The following GRIK2 variants were observed in gnomAD, a reference collection of about 807,000 sequenced individuals.
The protein encoded by GRIK2 is glutamate ionotropic receptor kainate type subunit 2, also known as glutamate receptor ionotropic, kainate 2.
Under a neutral mutation model 100.3 loss-of-function variants are expected in GRIK2, and 32 were observed. The ratio of observed to expected loss-of-function variants is 0.32; its 90% confidence interval spans 0.24 to 0.43. The LOEUF (loss-of-function observed/expected upper bound fraction) is 0.43, where lower values mean the gene tolerates loss of function less well. Among genes scored for constraint, GRIK2 ranks in the 20% least tolerant of loss-of-function variants. GRIK2 has a pLI of 1.00. For missense variants in GRIK2, 843 were observed against 1,114.9 expected (o/e 0.76, Z 3.47); for synonymous variants, 417 against 389.4 (o/e 1.07, Z -0.83).
chr6:101,909,647 G>C lies in GRIK2; in HGVS notation c.1749-14954G>C, dbSNP rs1408405801. Reference sequence around the variant, plus strand: ...TGAATAAAAAATGAAGAAGAAAAAAGCATCCTTGGGAAATGCATAAAATAT... The same window carrying C: ...TGAATAAAAAATGAAGAAGAAAAAACCATCCTTGGGAAATGCATAAAATAT... On this transcript the variant is annotated intron_variant, in intron 12 of 16. Transcript: ENST00000369134. Among the ~76,000 whole-genome samples, 4 of 147,554 alleles carry C rather than the reference G, an allele frequency of 2.7e-5. No homozygotes were observed. In the East Asian group the frequency reaches 8.0e-4, roughly 30 times the overall value.
intron 2 of GRIK2, among the ~76,000 whole-genome samples, chr6:101,571,992 C>G (rs190241236): frequency 5.3e-5 from 8 of 152,132 alleles, no homozygotes; most frequent in African/African-American, 1.7e-4. Context: ...CATCTTCAAA[C>G]CAGTGTTCTT....
At chr6:101,484,907 A>T (rs1772736027) in intron 2 of GRIK2, among the ~76,000 whole-genome samples, 1 of 152,196 alleles carries the variant, frequency 6.6e-6, no homozygotes, top group Admixed American at 6.5e-5. Flanking sequence ...CACTGGAAAC[A>T]TTTATCACTT....
chr6:101,647,656 T>C (rs1341471028), intron 4 of GRIK2, among the ~76,000 whole-genome samples: 1 of 152,058 alleles, frequency 6.6e-6, no homozygotes. Flanking sequence ...GTCATAAAAA[T>C]GTACTTCATA....
chr6:101,955,115 T>C (rs532746124), intron 14 of GRIK2, among the ~76,000 whole-genome samples: 1 of 152,310 alleles, frequency 6.6e-6, no homozygotes, highest in South Asian at 2.1e-4. Flanking sequence ...ATTTTGTTGA[T>C]ACATTTTGCA....
chr6:101,760,691 T>C (rs1777570257), intron 7 of GRIK2, among the ~76,000 whole-genome samples: 1 of 89,774 alleles, frequency 1.1e-5, no homozygotes, highest in South Asian at 3.9e-4. Flanking sequence ...TAATTATATA[T>C]AATTATATAT....
At chr6:101,567,871 C>T (rs1034753802) in intron 2 of GRIK2, among the ~76,000 whole-genome samples, 2 of 151,774 alleles carry the variant, frequency 1.3e-5, no homozygotes, top group East Asian at 3.9e-4. Flanking sequence ...AATTATTTAC[C>T]ATCATAAGAT....
At chr6:101,908,231 G>A (rs1010185529) in intron 12 of GRIK2, among the ~76,000 whole-genome samples, 2 of 64,718 alleles carry the variant, frequency 3.1e-5, no homozygotes, top group African/African-American at 1.2e-4. Flanking sequence ...AAATTGTTGA[G>A]TCATTTTATT....
chr6:101,813,962 CAAAA>C (rs60375013), intron 9 of GRIK2, among the ~76,000 whole-genome samples: 1 of 123,030 alleles, frequency 8.1e-6, no homozygotes. Context: ...AGCTCCATCT[CAAAA>C]AAAAAAAAAA....
intron 2 of GRIK2, among the ~76,000 whole-genome samples, chr6:101,411,556 C>T (rs1775884110): frequency 6.6e-6 from 1 of 151,994 alleles, no homozygotes; most frequent in Non-Finnish European, 1.5e-5. Context: ...CTAGATAATC[C>T]TAAGAAGTTT....
At chr6:101,848,732 T>A (rs976744162) in intron 10 of GRIK2, among the ~76,000 whole-genome samples, 1 of 152,120 alleles carries the variant, frequency 6.6e-6, no homozygotes, top group East Asian at 1.9e-4. Flanking sequence ...ATCAAACACA[T>A]ATATTACTAC....
chr6:101,550,977 C>A (rs1485996072), intron 2 of GRIK2, among the ~76,000 whole-genome samples: 3 of 152,092 alleles, frequency 2.0e-5, no homozygotes, highest in Admixed American at 6.6e-5. Flanking sequence ...TTTTATTGTT[C>A]TCTTCTCTGC....
chr6:101,625,204 T>G (rs1780373355), intron 3 of GRIK2, among the ~76,000 whole-genome samples: 1 of 151,856 alleles, frequency 6.6e-6, no homozygotes, highest in Admixed American at 6.6e-5. Context: ...AAACCCTGTC[T>G]CTACTAAAAA....
chr6:101,943,133 A>G (rs554323999), intron 14 of GRIK2, among the ~76,000 whole-genome samples: 1 of 152,322 alleles, frequency 6.6e-6, no homozygotes, highest in South Asian at 2.1e-4. Flanking sequence ...CTAAGGATCC[A>G]AGGTACAGCT....
intron 4 of GRIK2, among the ~76,000 whole-genome samples, chr6:101,663,793 C>T (rs1394202220): frequency 1.3e-5 from 2 of 152,076 alleles, no homozygotes; most frequent in East Asian, 3.9e-4. Context: ...CCCAGAATCC[C>T]TTTGAGGGAA....
intron 14 of GRIK2, among the ~76,000 whole-genome samples, chr6:102,025,596 C>T (rs1769651726): frequency 6.6e-6 from 1 of 151,076 alleles, no homozygotes; most frequent in Non-Finnish European, 1.5e-5. Context: ...GTCAAAGACC[C>T]TCTATTAAAT....
intron 12 of GRIK2, among the ~76,000 whole-genome samples, chr6:101,912,298 C>T (rs982376360): frequency 2.6e-5 from 4 of 151,272 alleles, no homozygotes; most frequent in Admixed American, 1.3e-4. Context: ...TTAAAAAACT[C>T]GTTTTCAAGG....
At chr6:101,772,038 G>A (rs1562373509) in intron 7 of GRIK2, among the ~76,000 whole-genome samples, 1 of 152,094 alleles carries the variant, frequency 6.6e-6, no homozygotes, top group Non-Finnish European at 1.5e-5. Context: ...TAAAGTACAG[G>A]ATAATTTGTC....
chr6:101,423,238 G>A (rs1440908041), intron 2 of GRIK2, among the ~76,000 whole-genome samples: 2 of 152,164 alleles, frequency 1.3e-5, no homozygotes, highest in Non-Finnish European at 2.9e-5. Flanking sequence ...GCTCACAGCT[G>A]AGTATATTTT....
At chr6:101,525,954 G>A (rs1458388864) in intron 2 of GRIK2, among the ~76,000 whole-genome samples, 1 of 152,202 alleles carries the variant, frequency 6.6e-6, no homozygotes, top group Non-Finnish European at 1.5e-5. Context: ...TAGAAGGTGT[G>A]ACAGGGTGAA....
Sources: allele counts gnomAD v4.1 joint callset (sites outside exome capture counted in the v4.1 genomes callset), GRCh38; gene constraint gnomAD v4.1.1; transcripts MANE v1.5; gene names NCBI Gene and HGNC (gene_info 2026-07-23, HGNC 2026-07-21).